The following RTTN variants were observed in gnomAD, a reference collection of about 807,000 sequenced individuals.
The protein encoded by RTTN is rotatin.
Under a neutral mutation model 269.2 loss-of-function variants are expected in RTTN, and 182 were observed. The ratio of observed to expected loss-of-function variants is 0.68; its 90% confidence interval spans 0.60 to 0.76. The LOEUF (loss-of-function observed/expected upper bound fraction) is 0.76, where lower values mean the gene tolerates loss of function less well. Ranked by LOEUF, RTTN falls within the 30% of genes least tolerant of loss-of-function variation. The pLI, the probability that RTTN is intolerant of heterozygous loss-of-function variation, is 0.00. For missense variants in RTTN, 2,545 were observed against 2,608.6 expected (o/e 0.98, Z 0.53); for synonymous variants, 1,006 against 963.5 (o/e 1.04, Z -0.82).
Position 70,020,793 on chromosome 18 carries a change from C to T in RTTN, c.5975G>A (p.Ser1992Asn). The T allele has an allele frequency of 1.9e-6, 3 of 1,612,884 alleles. No homozygotes were observed. The highest frequency in any genetic ancestry group is 2.5e-6 in the Non-Finnish European group (3 of 1,179,252). ...PNGCSSLCWS[S>N]CGQHPVQATH... The stretch of plus-strand genomic sequence containing the variant: ...AGCTTGAACAGGGTGTTGTCCACAA[C>T]TTGACCAACAAAGAGAACTGCAACC... The change falls in exon 45 of 49, where the codon AGT (serine) becomes AAT (asparagine). Residue 1992 changes from serine (S) to asparagine (N), a missense_variant. By Grantham distance (46) the Ser-to-Asn change is conservative. Coordinates refer to ENST00000640769, the MANE Select transcript of RTTN (RefSeq NM_173630.4).
intron 46 of RTTN, among the ~76,000 whole-genome samples, chr18:70,016,791 T>C (rs970517337): frequency 6.6e-6 from 1 of 151,892 alleles, no homozygotes; most frequent in Non-Finnish European, 1.5e-5. Context: ...CAAATATTTA[T>C]TGAGTGCTCG....
chr18:70,166,872 C>T (rs1252992716), intron 13 of RTTN, 47 bp downstream of exon 13: 2 of 1,256,282 alleles, frequency 1.6e-6, no homozygotes, highest in East Asian at 2.3e-5. Flanking sequence ...TACACACACC[C>T]TAAGTGTCCA....
intron 25 of RTTN, among the ~76,000 whole-genome samples, chr18:70,125,598 C>G (rs998896801): frequency 6.6e-6 from 1 of 151,840 alleles, no homozygotes; most frequent in Non-Finnish European, 1.5e-5. Context: ...ACATGCTTCT[C>G]TATATTTTGT....
chr18:70,127,674 C>T lies in RTTN; in HGVS notation c.3211G>A (p.Gly1071Arg). The change falls in exon 25 of 49, where the codon GGG becomes AGG. Residue 1071 changes from glycine (G) to arginine (R), a missense_variant. Coordinates refer to ENST00000640769, the MANE Select transcript of RTTN (RefSeq NM_173630.4). ...LTLKITHMAS[G>R]LQDCLHSIVQ... is the part of the protein sequence containing the mutation. ...ATGGAATGGAGGCAGTCCTGCAGCC[C>T]ACTAGCCATGTGTGTTATCTTCAGA... The T allele has an allele frequency of 6.2e-7, 1 of 1,613,378 alleles. No homozygotes were observed. The highest frequency in any genetic ancestry group is 8.5e-7 in the Non-Finnish European group (1 of 1,179,674).
chr18:70,091,981 C>G (rs1461174578), intron 30 of RTTN, 129 bp downstream of exon 30: 1 of 482,142 alleles, frequency 2.1e-6, no homozygotes, highest in East Asian at 4.1e-5. Flanking sequence ...TCTCAATCTC[C>G]TGACCTCGTG....
intron 6 of RTTN, among the ~76,000 whole-genome samples, 168 bp downstream of exon 6, chr18:70,197,456 A>G (rs2061838612): frequency 6.6e-6 from 1 of 152,256 alleles, no homozygotes; most frequent in African/African-American, 2.4e-5. Context: ...TGGAAGAACT[A>G]TAACTATCCA....
chr18:70,199,487 A>G lies in RTTN; in HGVS notation c.505T>C (p.Cys169Arg), dbSNP rs764605084. ...CAAGGAAATGTAGAAAACTTCAAGC[A>G]CTTCACAGTCTGATTTACTGTCAGT... The part of the protein sequence containing the change: ...PRPVVNQTVK[C>R]LKFSTFPWLP... The change falls in exon 5 of 49, where the codon TGC (cysteine) becomes CGC (arginine). Residue 169 changes from cysteine to arginine, a missense_variant. By Grantham distance (180) the Cys-to-Arg change is radical (BLOSUM62 -3). Transcript: ENST00000640769. 1 of 1,611,982 alleles carries G rather than the reference A, an allele frequency of 6.2e-7. No individual in the cohort carries two copies. Among genetic ancestry groups the G allele is most frequent in the Non-Finnish European group, 8.5e-7 (1 of 1,178,290 alleles).
At chr18:70,100,880 T>C (rs1460392018) in intron 28 of RTTN, among the ~76,000 whole-genome samples, 1 of 152,242 alleles carries the variant, frequency 6.6e-6, no homozygotes, top group Admixed American at 6.5e-5. Context: ...GGGTTACGTT[T>C]ATTGATCTGT....
intron 10 of RTTN, among the ~76,000 whole-genome samples, chr18:70,178,348 C>T (rs1006949840): frequency 6.6e-6 from 1 of 151,986 alleles, no homozygotes; most frequent in Non-Finnish European, 1.5e-5. Context: ...GTAAAATAAG[C>T]CAGATACAAA....
intron 40 of RTTN, among the ~76,000 whole-genome samples, chr18:70,040,626 C>T (rs2057312307): frequency 1.3e-5 from 2 of 152,172 alleles, no homozygotes; most frequent in African/African-American, 4.8e-5. Flanking sequence ...CCAAACGGAC[C>T]TAATAGATAT....
intron 28 of RTTN, among the ~76,000 whole-genome samples, chr18:70,098,616 T>A (rs1480631561): frequency 1.3e-5 from 2 of 152,174 alleles, no homozygotes; most frequent in South Asian, 2.1e-4. Context: ...GAACCTTTTT[T>A]AATATTTATA....
At chr18:70,005,112 G>A in intron 48 of RTTN, 86 bp downstream of exon 48, 1 of 868,118 alleles carries the variant, frequency 1.2e-6, no homozygotes. Flanking sequence ...CCATTTTGCT[G>A]TGGCCTGTCC....
rs746515877 is a variant in RTTN at position 70,166,202 on chromosome 18, A to G, written c.1803-14T>C. Reference sequence around the variant, plus strand: ...GCAGATTTCCAGCTGGTGAAAAGGTAAAACAACCAAGACATGTGAGGCAAG... The same window carrying G: ...GCAGATTTCCAGCTGGTGAAAAGGTGAAACAACCAAGACATGTGAGGCAAG... On this transcript the variant is annotated splice_polypyrimidine_tract_variant and intron_variant, in intron 13 of 48. Coordinates refer to ENST00000640769, the MANE Select transcript of RTTN (RefSeq NM_173630.4). The G allele has an allele frequency of 3.1e-6, 5 of 1,612,216 alleles. No individual in the cohort carries two copies. The African/African-American group carries it at 4.0e-5, about 13-fold the overall frequency.
At chr18:70,199,271 G>C (rs1454878883) in intron 5 of RTTN, 143 bp downstream of exon 5, 5 of 433,456 alleles carry the variant, frequency 1.2e-5, no homozygotes, top group Non-Finnish European at 2.0e-5. Flanking sequence ...CTAGCTTTTT[G>C]AAAAATAAAA....
chr18:70,175,139 A>T (rs535489449), intron 11 of RTTN, among the ~76,000 whole-genome samples: 50 of 151,728 alleles, frequency 3.3e-4, no homozygotes, highest in Non-Finnish European at 5.9e-4. Context: ...AACTAACTTG[A>T]AATTATAAAT....
intron 7 of RTTN, chr18:70,194,498 T>C (rs2061754655): frequency 6.6e-6 from 1 of 152,254 alleles, no homozygotes; most frequent in African/African-American, 2.4e-5. Context: ...CACAGATACT[T>C]GCATGCCAAT....
chr18:70,192,094 T>C (rs2061685513), intron 8 of RTTN, among the ~76,000 whole-genome samples: 1 of 152,190 alleles, frequency 6.6e-6, no homozygotes, highest in African/African-American at 2.4e-5. Context: ...ATACTAATGC[T>C]ATATATAATA....
At chr18:70,114,947 G>A (rs925399938) in intron 26 of RTTN, among the ~76,000 whole-genome samples, 20 of 151,752 alleles carry the variant, frequency 1.3e-4, no homozygotes, top group African/African-American at 2.7e-4. Flanking sequence ...TCACAAACCC[G>A]TATCAAGTGA....
intron 10 of RTTN, among the ~76,000 whole-genome samples, chr18:70,179,407 AAG>A (rs372639367): frequency 4.5e-4 from 68 of 150,502 alleles, no homozygotes; most frequent in African/African-American, 1.6e-3. Context: ...ATATCATAAA[AAG>A]AAAATACTTT....
Sources: gnomAD v4.1 joint callset for allele counts (sites outside exome capture counted in the v4.1 genomes callset) on GRCh38, gnomAD v4.1.1 for gene constraint, MANE v1.5 for transcripts, NCBI Gene and HGNC (gene_info 2026-07-23, HGNC 2026-07-21) for gene names.